EPS8: variants seen among roughly 807,000 people sequenced by gnomAD.
EPS8 encodes epidermal growth factor receptor kinase substrate 8.
In EPS8, 42 loss-of-function variants were observed where a neutral mutation model predicts 103.8. The ratio of observed to expected loss-of-function variants is 0.40; its 90% CI spans 0.32 to 0.52. EPS8 has a LOEUF of 0.52. Among genes scored for constraint, EPS8 ranks in the 20% least tolerant of loss-of-function variants. The probability of loss-of-function intolerance (pLI) is 0.40; values close to 1 mark genes in which losing one functional copy is unlikely to be tolerated. For synonymous variants in EPS8, 344 were observed against 344.6 expected, an observed-to-expected ratio of 1.00 and a Z score of 0.02; for missense variants, 969 against 1,005.1, an observed-to-expected ratio of 0.96 and a Z score of 0.49.
chr12:15,655,598 C>A (rs977436944), intron 12 of EPS8, among the ~76,000 whole-genome samples: 2 of 151,974 alleles, frequency 1.3e-5, no homozygotes, highest in African/African-American at 2.4e-5. Flanking sequence ...CTTCCAACCT[C>A]GAACGCATTT....
At chr12:15,623,110 G>C in intron 20 of EPS8, 48 bp downstream of exon 20, 7 of 1,560,110 alleles carry the variant, frequency 4.5e-6, no homozygotes, top group Non-Finnish European at 5.2e-6. Flanking sequence ...GTTGTTTCCA[G>C]AGCTTTCAAT....
chr12:15,738,281 G>C lies in EPS8; in HGVS notation c.-22+50880C>G, dbSNP rs1191594893. Reference sequence around the variant, plus strand: ...ATTTAGAAACACACCCACCCTGAGTGGCTAAGAAACCCTTTTGCACATTGC... The same window carrying C: ...ATTTAGAAACACACCCACCCTGAGTCGCTAAGAAACCCTTTTGCACATTGC... On this transcript the variant is annotated intron_variant, in intron 1 of 20. Coordinates refer to ENST00000281172, the MANE Select transcript of EPS8 (RefSeq NM_004447.6). This position sits in a 1 kb window ranked among gnomAD's most constrained non-coding sequence, Gnocchi z 6.2. Among the ~76,000 whole-genome samples, 2 of 151,996 alleles carry C rather than the reference G, an allele frequency of 1.3e-5. No individual in the cohort carries two copies. The highest frequency in any genetic ancestry group is 2.4e-5 in the African/African-American group (1 of 41,372).
rs549552330 is a variant in EPS8, at chr12:15,744,802, C to T, written c.-22+44359G>A. ...AATTAAACCAAGTAGTTATGGATAA[C>T]GTTAACAAATACTTTTAAAAGTCTT... is the stretch of plus-strand genomic sequence containing the variant. On this transcript the variant is annotated intron_variant, in intron 1 of 20. Coordinates refer to ENST00000281172, the MANE Select transcript of EPS8 (RefSeq NM_004447.6). Among the ~76,000 whole-genome samples the T allele has an allele frequency of 1.9e-4, 29 of 152,244 alleles. No individual in the cohort carries two copies. In the South Asian group the frequency reaches 4.6e-3, roughly 24 times the overall value.
At chr12:15,708,640 C>T (rs912151251) in intron 1 of EPS8, among the ~76,000 whole-genome samples, 1 of 152,194 alleles carries the variant, frequency 6.6e-6, no homozygotes, top group Admixed American at 6.5e-5. Flanking sequence ...TACTATTTCT[C>T]AGGTGAAATC....
chr12:15,626,742 TA>T (rs1486905467), intron 18 of EPS8, among the ~76,000 whole-genome samples: 1 of 151,754 alleles, frequency 6.6e-6, no homozygotes, highest in Admixed American at 6.6e-5. Flanking sequence ...TCCACCACTC[TA>T]AAGCCACTCC....
At position 15,698,824 on chromosome 12, in the gene EPS8, A is replaced by C. The variant is rs1946274878; in HGVS notation, c.-21-15852T>G. Among the ~76,000 whole-genome samples the C allele has an allele frequency of 6.6e-6, 1 of 152,200 alleles. No homozygotes were observed. Among genetic ancestry groups the C allele is most frequent in the African/African-American group, 2.4e-5 (1 of 41,452 alleles). On this transcript the variant is annotated intron_variant, in intron 1 of 20. Coordinates refer to ENST00000281172, the MANE Select transcript of EPS8 (RefSeq NM_004447.6). This position sits in a 1 kb window ranked among gnomAD's most constrained non-coding sequence, Gnocchi z 4.9. ...AACCTCAGGCAAGGTCAGTTTTGCC[A>C]AGAGCCACATGACTGCTTCCCCATT...
At position 15,662,020 on chromosome 12, in the gene EPS8, A is replaced by G. The variant is rs745720266; in HGVS notation, c.810+6T>C. The G allele has an allele frequency of 1.2e-6, 2 of 1,610,636 alleles. No homozygotes were observed. Among genetic ancestry groups the G allele is most frequent in the Admixed American group, 1.7e-5 (1 of 60,020 alleles). ...CCAGTGATCTAAAGGCGACTCCTGT[A>G]CTTACCACATCTCTGTCAATGCGGG... On this transcript the variant is annotated splice_donor_region_variant and intron_variant, in intron 9 of 20. Transcript: ENST00000281172.
intron 14 of EPS8, among the ~76,000 whole-genome samples, chr12:15,648,555 G>A (rs944775488): frequency 2.6e-5 from 4 of 152,134 alleles, no homozygotes; most frequent in Admixed American, 2.0e-4. Context: ...AAAAATCTGA[G>A]CTCAATTAAT....
Position 15,627,685 on chromosome 12 carries a change from C to G in EPS8, c.2045-3278G>C, listed in dbSNP as rs1944972467. Among the ~76,000 whole-genome samples the G allele has an allele frequency of 2.0e-5, 3 of 152,114 alleles. No individual in the cohort carries two copies. The South Asian group carries it at 6.2e-4, about 31-fold the overall frequency. ...TAACTTCCCTAGCTACTCCTTTTTC[C>G]TAGCCATTTATGCTAATGGAAAAGA... is the stretch of plus-strand genomic sequence containing the variant. On this transcript the variant is annotated intron_variant, in intron 18 of 20. Transcript: ENST00000281172.
chr12:15,687,548 T>A (rs1946112650), intron 1 of EPS8, among the ~76,000 whole-genome samples: 1 of 152,224 alleles, frequency 6.6e-6, no homozygotes, highest in South Asian at 2.1e-4. Context: ...GGGAAAAGTC[T>A]ATGATCAAAT....
chr12:15,623,336 AC>A, intron 19 of EPS8, 49 bp from the exon 20 acceptor site: 1 of 1,533,316 alleles, frequency 6.5e-7, no homozygotes, highest in Non-Finnish European at 8.8e-7. Flanking sequence ...AATATTGCCT[AC>A]AAACAAAGGA....
chr12:15,785,383 T>A lies in EPS8; in HGVS notation c.-22+3778A>T, dbSNP rs530950051. ...TGCTGCTATACATCTATGATAGAAA[T>A]GAATGATTAAGCAAATGTATGGCAG... On this transcript the variant is annotated intron_variant, in intron 1 of 20. Coordinates refer to ENST00000281172, the MANE Select transcript of EPS8 (RefSeq NM_004447.6). The surrounding 1 kb of genome is among the most constrained non-coding windows in gnomAD (Gnocchi z 4.9). Among the ~76,000 whole-genome samples, 5 of 152,226 alleles carry A rather than the reference T, an allele frequency of 3.3e-5. 1 individual carries two copies. The South Asian group carries it at 1.0e-3, about 32-fold the overall frequency.
At chr12:15,637,332 C>T (rs1287780053) in intron 17 of EPS8, among the ~76,000 whole-genome samples, 1 of 152,222 alleles carries the variant, frequency 6.6e-6, no homozygotes, top group Admixed American at 6.5e-5. Flanking sequence ...AAATGAGAAC[C>T]TTTTATAATC....
chr12:15,671,635 C>T (rs1187515003), intron 3 of EPS8: 3 of 152,030 alleles, frequency 2.0e-5, no homozygotes, highest in Admixed American at 2.0e-4. Context: ...AAAAAAATAA[C>T]ATTAAAATAT....
At chr12:15,665,992 C>A in intron 7 of EPS8, 100 bp from the exon 8 acceptor site, 1 of 1,225,296 alleles carries the variant, frequency 8.2e-7, no homozygotes, top group Non-Finnish European at 1.2e-6. Context: ...TCAAAAAGAA[C>A]TATGTCAAGG....
Position 15,658,109 on chromosome 12 carries a change from C to G in EPS8, c.1071G>C (p.Leu357Phe). The G allele has an allele frequency of 6.2e-7, 1 of 1,610,066 alleles. No homozygotes were observed. Among genetic ancestry groups the G allele is most frequent in the Non-Finnish European group, 8.5e-7 (1 of 1,177,226 alleles). Residue 357 changes from leucine to phenylalanine, a missense_variant, in exon 12 of 21, where the codon TTG becomes TTC. Coordinates refer to ENST00000281172, the MANE Select transcript of EPS8 (RefSeq NM_004447.6). ...TTAATGGAGTAAACAAAAAGTGAAC[C>G]AAATCTGCAGCACTAGGATTCTGAA... Reference protein sequence around the residue: ...SHIQNPSAADLVHFLFTPLNM... With the variant: ...SHIQNPSAADFVHFLFTPLNM...
rs1447073310 is a variant in EPS8 at position 15,748,381 on chromosome 12, A to C, written c.-22+40780T>G. Among the ~76,000 whole-genome samples the C allele has an allele frequency of 2.0e-5, 3 of 152,232 alleles. No homozygotes were observed. The highest frequency in any genetic ancestry group is 7.2e-5 in the African/African-American group (3 of 41,440). On this transcript the variant is annotated intron_variant, in intron 1 of 20. Transcript: ENST00000281172. The surrounding 1 kb of genome is among the most constrained non-coding windows in gnomAD (Gnocchi z 4.8). ...TAAATTCACCTAGTAGGAAAACTAA[A>C]GTGATGAGGATTAGAAAGGAAAGAA...
chr12:15,710,970 G>A (rs1946454725), intron 1 of EPS8, among the ~76,000 whole-genome samples: 1 of 152,070 alleles, frequency 6.6e-6, no homozygotes, highest in Non-Finnish European at 1.5e-5. Context: ...CTGGGATCAA[G>A]CCATCCTCCC....
intron 1 of EPS8, among the ~76,000 whole-genome samples, chr12:15,741,244 G>A (rs544968068): frequency 6.6e-6 from 1 of 152,254 alleles, no homozygotes; most frequent in Non-Finnish European, 1.5e-5. Flanking sequence ...TGGGGTAACA[G>A]AGCTTGGCTT....
Sources: gnomAD v4.1 joint callset for allele counts (sites outside exome capture counted in the v4.1 genomes callset) on GRCh38, gnomAD v4.1.1 for gene constraint, Gnocchi (gnomAD v3.1) non-coding constraint, MANE v1.5 for transcripts, NCBI Gene and HGNC (gene_info 2026-07-23, HGNC 2026-07-21) for gene names.